Variants in LARS1 observed in about 807,000 individuals in gnomAD.
LARS1 encodes the protein leucine--tRNA ligase, cytoplasmic.
A neutral mutation model predicts 162.8 loss-of-function variants in LARS1; 100 were observed. That is an observed-to-expected ratio of 0.61 (90% CI 0.52 to 0.73). LARS1 has a LOEUF of 0.73. LARS1 is among the 30% of genes least tolerant of loss of function. The pLI, the probability that LARS1 is intolerant of heterozygous loss-of-function variation, is 0.00. For synonymous variants in LARS1, 457 were observed against 462.8 expected (o/e 0.99, Z 0.16); for missense variants, 1,258 against 1,408.9 (o/e 0.89, Z 1.71).
intron 1 of LARS1, 31 bp from the exon 2 acceptor site, chr5:146,177,696 G>A (rs1754660087): frequency 1.7e-6 from 2 of 1,166,518 alleles, no homozygotes; most frequent in Admixed American, 1.9e-5. Flanking sequence ...AATCCACTCT[G>A]TATTTCAGCA....
chr5:146,137,477 T>A (rs1311806763), intron 21 of LARS1, among the ~76,000 whole-genome samples: 1 of 152,186 alleles, frequency 6.6e-6, no homozygotes, highest in South Asian at 2.1e-4. Flanking sequence ...TACTATGCAG[T>A]CTGTTTTAAA....
At chr5:146,145,767 A>G (rs956829551) in intron 15 of LARS1, among the ~76,000 whole-genome samples, 1 of 152,224 alleles carries the variant, frequency 6.6e-6, no homozygotes, top group Non-Finnish European at 1.5e-5. Context: ...ATTTTGGTTT[A>G]AAGATGGTAG....
At chr5:146,181,470 G>A (rs1188607113) in intron 1 of LARS1, among the ~76,000 whole-genome samples, 1 of 152,048 alleles carries the variant, frequency 6.6e-6, no homozygotes, top group Non-Finnish European at 1.5e-5. Flanking sequence ...GACCCCAGGA[G>A]TTCGAAACCC....
At chr5:146,164,181 C>G in intron 6 of LARS1, 129 bp downstream of exon 6, 1 of 857,760 alleles carries the variant, frequency 1.2e-6, no homozygotes. Flanking sequence ...ACTAGACTTG[C>G]TCAACGCAGG....
chr5:146,177,355 G>A (rs957347574), intron 2 of LARS1, among the ~76,000 whole-genome samples, 192 bp downstream of exon 2: 2 of 150,808 alleles, frequency 1.3e-5, no homozygotes, highest in African/African-American at 4.9e-5. Flanking sequence ...AGTCCCAGCT[G>A]CTCGGGAGGC....
At chr5:146,158,099 C>T (rs1405406460) in intron 8 of LARS1, among the ~76,000 whole-genome samples, 1 of 152,158 alleles carries the variant, frequency 6.6e-6, no homozygotes, top group East Asian at 1.9e-4. Flanking sequence ...AGACACTAGA[C>T]CAGAGGTCAG....
intron 12 of LARS1, 128 bp from the exon 13 acceptor site, chr5:146,153,355 G>A (rs922354404): frequency 4.3e-5 from 30 of 692,472 alleles, no homozygotes; most frequent in Non-Finnish European, 7.1e-5. Flanking sequence ...TCCATAGAGA[G>A]CAATTTTCTA....
intron 21 of LARS1, among the ~76,000 whole-genome samples, chr5:146,136,604 C>A (rs1379024007): frequency 2.6e-5 from 4 of 151,910 alleles, no homozygotes; most frequent in Non-Finnish European, 4.4e-5. Flanking sequence ...ACCTCAACCT[C>A]CTGAGTAGCT....
chr5:146,156,041 A>T (rs1038947874), intron 10 of LARS1, among the ~76,000 whole-genome samples: 2 of 152,268 alleles, frequency 1.3e-5, no homozygotes, highest in Non-Finnish European at 2.9e-5. Flanking sequence ...GCCAAGATAC[A>T]AATTAAAAAG....
intron 21 of LARS1, 152 bp downstream of exon 21, chr5:146,140,052 C>A (rs1031414256): frequency 7.8e-6 from 5 of 644,494 alleles, no homozygotes; most frequent in Middle Eastern, 2.6e-4. Flanking sequence ...AGTGATCCTC[C>A]CACCTTGGCC....
At chr5:146,146,927 T>C (rs577841634) in intron 15 of LARS1, among the ~76,000 whole-genome samples, 22 of 152,108 alleles carry the variant, frequency 1.4e-4, no homozygotes, top group African/African-American at 5.3e-4. Flanking sequence ...TTGGCCAGGC[T>C]GGTCTCAAAC....
intron 22 of LARS1, among the ~76,000 whole-genome samples, chr5:146,135,106 C>A (rs186000367): frequency 1.3e-5 from 2 of 151,958 alleles, no homozygotes; most frequent in African/African-American, 4.8e-5. Flanking sequence ...CGGGTTCAAG[C>A]GATTCTCCTG....
intron 23 of LARS1, 66 bp downstream of exon 23, chr5:146,132,832 A>T: frequency 7.1e-6 from 9 of 1,267,138 alleles, no homozygotes; most frequent in Non-Finnish European, 8.8e-6. Flanking sequence ...GAAAAGAAAA[A>T]GAAAACAAAA....
intron 20 of LARS1, 132 bp from the exon 21 acceptor site, chr5:146,140,393 T>TCC (rs1752721445): frequency 3.0e-6 from 2 of 660,588 alleles, no homozygotes; most frequent in Admixed American, 5.7e-5. Context: ...TACACTATAG[T>TCC]CCTTTTTGTA....
At chr5:146,171,034 T>A (rs1030791762) in intron 4 of LARS1, among the ~76,000 whole-genome samples, 1 of 151,846 alleles carries the variant, frequency 6.6e-6, no homozygotes, top group African/African-American at 2.4e-5. Flanking sequence ...ATTCCACTTT[T>A]TCTGTAGGAT....
At chr5:146,169,553 C>CTT (rs1309467910) in intron 4 of LARS1, among the ~76,000 whole-genome samples, 1 of 144,792 alleles carries the variant, frequency 6.9e-6, no homozygotes. Context: ...TAATTTCTTT[C>CTT]TTTTTTTTTT....
intron 4 of LARS1, among the ~76,000 whole-genome samples, chr5:146,169,343 A>AG (rs1247670039): frequency 1.3e-5 from 2 of 152,204 alleles, no homozygotes; most frequent in Non-Finnish European, 2.9e-5. Flanking sequence ...CACCAAGTAA[A>AG]CACTGTTAAA....
chr5:146,137,093 T>C lies in LARS1; in HGVS notation c.2149-1429A>G, dbSNP rs532449699. Reference sequence around the variant, plus strand: ...TTGTACTTTTAGTAGAGATGGAGTTTCACCACATCGGCCAGGCTGGTCTTG... The same window carrying C: ...TTGTACTTTTAGTAGAGATGGAGTTCCACCACATCGGCCAGGCTGGTCTTG... On this transcript the variant is annotated intron_variant, in intron 21 of 31. Transcript: ENST00000394434. Among the ~76,000 whole-genome samples the C allele has an allele frequency of 3.9e-5, 6 of 152,294 alleles. No individual in the cohort carries two copies. The South Asian group carries it at 1.2e-3, about 32-fold the overall frequency.
At chr5:146,163,564 T>C (rs536452894) in intron 6 of LARS1, among the ~76,000 whole-genome samples, 3 of 152,124 alleles carry the variant, frequency 2.0e-5, no homozygotes, top group African/African-American at 7.2e-5. Flanking sequence ...CAGACGCCTG[T>C]AATCCCAGCT....
Sources: gnomAD v4.1 joint callset for allele counts (sites outside exome capture counted in the v4.1 genomes callset) on GRCh38, gnomAD v4.1.1 for gene constraint, MANE v1.5 for transcripts, NCBI Gene and HGNC (gene_info 2026-07-23, HGNC 2026-07-21) for gene names.